IQSEC1: variants seen among roughly 807,000 people sequenced by gnomAD.
IQSEC1 encodes the protein IQ motif and Sec7 domain ArfGEF 1, also known as IQ motif and SEC7 domain-containing protein 1.
IQSEC1 carries 31 observed loss-of-function variants against 91.0 expected under a neutral mutation model. The observed-to-expected ratio is 0.34, with a 90% CI of 0.26 to 0.46. IQSEC1 has a LOEUF of 0.46. Among genes scored for constraint, IQSEC1 ranks in the 20% least tolerant of loss-of-function variants. The pLI is 1.00. For missense variants in IQSEC1, 1,388 were observed against 1,575.6 expected (o/e 0.88, Z 2.02); for synonymous variants, 699 against 662.6 (o/e 1.05, Z -0.84).
chr3:13,034,277 C>T (rs1703954801), intron 1 of IQSEC1, among the ~76,000 whole-genome samples: 1 of 152,184 alleles, frequency 6.6e-6, no homozygotes, highest in South Asian at 2.1e-4. Flanking sequence ...AAGGACCTGT[C>T]CAAGCCGGTG....
chr3:13,077,408 G>A (rs538636970), upstream of IQSEC1, among the ~76,000 whole-genome samples: 5 of 152,282 alleles, frequency 3.3e-5, no homozygotes, highest in African/African-American at 1.2e-4. Flanking sequence ...TGCATAGAGA[G>A]GTATCCACAA....
At chr3:13,198,384 A>G (rs1694173975) in intron 1 of IQSEC1, among the ~76,000 whole-genome samples, 1 of 152,104 alleles carries the variant, frequency 6.6e-6, no homozygotes, top group Non-Finnish European at 1.5e-5. Flanking sequence ...TGGGTGGCTC[A>G]TCTGAAGAGT....
rs1311855959 is a variant in IQSEC1, at chr3:12,897,865, A to G, written c.*3118T>C. On this transcript the variant is annotated 3_prime_UTR_variant, in exon 14 of 14. Coordinates refer to ENST00000613206, the MANE Select transcript of IQSEC1 (RefSeq NM_001134382.3). ...GCACTGGGTGCTGAAGACATTTTTA[A>G]GCAAGATGTGCACAGCATATTAGGA... 6.6e-6 allele frequency: 1 copy of G among 152,252 alleles called. No homozygotes were observed. The highest frequency in any genetic ancestry group is 1.5e-5 in the Non-Finnish European group (1 of 68,046). 9.4% of individuals were successfully genotyped at this position (152,252 alleles called of 1,614,324 possible).
intron 1 of IQSEC1, chr3:12,995,012 C>G (rs1335787564): frequency 1.3e-5 from 2 of 152,328 alleles, no homozygotes; most frequent in Non-Finnish European, 2.9e-5. Context: ...CCTGGTGGGT[C>G]GCAGAGCAGA....
At chr3:13,216,040 G>C (rs935363662) in intron 1 of IQSEC1, among the ~76,000 whole-genome samples, 3 of 152,198 alleles carry the variant, frequency 2.0e-5, no homozygotes, top group Admixed American at 2.0e-4. Flanking sequence ...CTCAAAGACG[G>C]GTAGAGCCAC....
rs550174504 is a variant in IQSEC1 at position 13,173,808 on chromosome 3, C to T, written c.273-9675G>A. ...TCTGAAAGTGTGGCCTGGGCACCCA[C>T]AGCATCAGCATCACCTAGGAACCTG... On this transcript the variant is annotated intron_variant, in intron 1 of 15. Coordinates refer to the IQSEC1 transcript ENST00000648114. 3.6e-4 allele frequency among the ~76,000 whole-genome samples: 55 copies of T among 152,336 alleles called. No homozygotes were observed. In the South Asian group the frequency reaches 4.3e-3, roughly 12 times the overall value.
chr3:12,979,502 G>A lies in IQSEC1; in HGVS notation c.24-37637C>T, dbSNP rs144676371. Among the ~76,000 whole-genome samples, 18 of 152,336 alleles carry A rather than the reference G, an allele frequency of 1.2e-4. 1 individual carries two copies. The highest frequency in any genetic ancestry group is 2.4e-4 in the African/African-American group (10 of 41,572). ...AAAGGCGGACACATGCACGCAGCAC[G>A]CGCACACACACACTCTAAGATGTCC... On this transcript the variant is annotated intron_variant, in intron 1 of 13. Coordinates refer to ENST00000613206, the MANE Select transcript of IQSEC1 (RefSeq NM_001134382.3). The surrounding 1 kb of genome is among the most constrained non-coding windows in gnomAD (Gnocchi z 4.3).
Position 12,908,264 on chromosome 3 carries a change from G to C in IQSEC1, c.2755+85C>G. On this transcript the variant is annotated intron_variant, in intron 12 of 13. Transcript: ENST00000613206. This position sits in a 1 kb window ranked among gnomAD's most constrained non-coding sequence, Gnocchi z 4.9. Reference sequence around the variant, plus strand: ...CTGGCTTCGCCGCAGGCCCTGCCCCGCGTGATGCATGCCCTGAATGCAGAC... The same window carrying C: ...CTGGCTTCGCCGCAGGCCCTGCCCCCCGTGATGCATGCCCTGAATGCAGAC... 3.3e-5 allele frequency: 47 copies of C among 1,426,426 alleles called. 1 individual carries two copies. In the South Asian group the frequency reaches 5.6e-4, roughly 17 times the overall value. 88.4% of individuals were successfully genotyped at this position (1,426,426 alleles called of 1,614,324 possible).
intron 1 of IQSEC1, among the ~76,000 whole-genome samples, chr3:13,254,488 C>A (rs979135533): frequency 1.3e-5 from 2 of 152,216 alleles, no homozygotes; most frequent in Non-Finnish European, 2.9e-5. Flanking sequence ...TCCAAACCCC[C>A]CTGCACAAAG....
At chr3:13,115,111 G>T (rs1282183698) in intron 2 of IQSEC1, among the ~76,000 whole-genome samples, 2 of 152,202 alleles carry the variant, frequency 1.3e-5, no homozygotes, top group Non-Finnish European at 2.9e-5. Context: ...CCTTCTAGCG[G>T]CCACAGGGAG....
intron 1 of IQSEC1, among the ~76,000 whole-genome samples, chr3:13,268,507 G>A (rs558868829): frequency 6.6e-6 from 1 of 152,244 alleles, no homozygotes; most frequent in Admixed American, 6.5e-5. Flanking sequence ...TTCTGATGAG[G>A]CTCCCCTATC....
At position 12,936,222 on chromosome 3, in the gene IQSEC1, G is replaced by A. The variant is rs761035991; in HGVS notation, c.794C>T (p.Thr265Ile). The A allele has an allele frequency of 1.2e-6, 2 of 1,613,144 alleles. No homozygotes were observed. The highest frequency in any genetic ancestry group is 3.3e-5 in the Admixed American group (2 of 60,032). The change falls in exon 3 of 14, where the codon ACC becomes ATC. Residue 265 changes from threonine to isoleucine, a missense_variant. Thr to Ile is a moderately conservative substitution (Grantham distance 89). Around this residue, in one of 2 missense-constraint regions of IQSEC1, gnomAD observed 1,059 missense variants for 1,317.8 expected, o/e 0.80. Coordinates refer to ENST00000613206, the MANE Select transcript of IQSEC1 (RefSeq NM_001134382.3). ...PALDAARARD[T>I]EPQTALHGMD... is the part of the protein sequence containing the mutation. ...GCCGTGCAGGGCTGTCTGGGGTTCG[G>A]TGTCCCGGGCCCGCGCCGCATCCAG... is the stretch of plus-strand genomic sequence containing the variant.
intron 1 of IQSEC1, among the ~76,000 whole-genome samples, chr3:13,239,995 C>T (rs1576306762): frequency 1.3e-5 from 2 of 152,156 alleles, no homozygotes; most frequent in Middle Eastern, 3.4e-3. Context: ...TGCCACTTTG[C>T]GCGCACTGGA....
chr3:13,078,667 T>C (rs1559250690), intron 2 of IQSEC1, among the ~76,000 whole-genome samples: 1 of 152,052 alleles, frequency 6.6e-6, no homozygotes, highest in African/African-American at 2.4e-5. Flanking sequence ...CCAGGGCCCA[T>C]CCAGCTGCGT....
chr3:12,988,152 G>C (rs574449498), intron 1 of IQSEC1, among the ~76,000 whole-genome samples: 1 of 152,360 alleles, frequency 6.6e-6, no homozygotes, highest in East Asian at 1.9e-4. Flanking sequence ...GGTGGCTCAC[G>C]CCTGTAATCC....
intron 1 of IQSEC1, among the ~76,000 whole-genome samples, chr3:13,228,799 TGGA>T (rs1694798704): frequency 6.6e-6 from 1 of 152,196 alleles, no homozygotes; most frequent in Non-Finnish European, 1.5e-5. Flanking sequence ...TTCCTGCTGC[TGGA>T]AACACTGTTC....
intron 1 of IQSEC1, among the ~76,000 whole-genome samples, chr3:13,066,071 G>T (rs1705218599): frequency 6.6e-6 from 1 of 152,206 alleles, no homozygotes; most frequent in Non-Finnish European, 1.5e-5. Flanking sequence ...GGGTGCCAGG[G>T]GCTGGGGATG....
chr3:12,968,253 A>T (rs1700734086), intron 1 of IQSEC1, among the ~76,000 whole-genome samples: 1 of 152,154 alleles, frequency 6.6e-6, no homozygotes, highest in Non-Finnish European at 1.5e-5. Context: ...GATGCGCCCC[A>T]GAGAAGGGAA....
At chr3:13,059,630 T>C (rs1704996069) in intron 1 of IQSEC1, among the ~76,000 whole-genome samples, 1 of 152,096 alleles carries the variant, frequency 6.6e-6, no homozygotes, top group African/African-American at 2.4e-5. Context: ...TGGGTGCCTG[T>C]AGTCCAACTA....
Sources: gnomAD v4.1 joint callset for allele counts (sites outside exome capture counted in the v4.1 genomes callset) on GRCh38, gnomAD v4.1.1 for gene constraint, gnomAD v4.1.1 regional missense constraint, Gnocchi (gnomAD v3.1) non-coding constraint, MANE v1.5 for transcripts, NCBI Gene and HGNC (gene_info 2026-07-23, HGNC 2026-07-21) for gene names.